The following SLX4IP variants were observed in gnomAD, a reference collection of about 807,000 sequenced individuals.
The protein encoded by SLX4IP is SLX4 interacting protein, also known as protein SLX4IP.
SLX4IP carries 34 observed loss-of-function variants against 32.9 expected under a neutral mutation model. That is an observed-to-expected ratio of 1.03 (90% CI 0.79 to 1.38). The LOEUF (loss-of-function observed/expected upper bound fraction) is 1.38, where lower values mean the gene tolerates loss of function less well. Among genes scored for constraint, SLX4IP ranks in the 40% most tolerant of loss-of-function variants. SLX4IP has a pLI of 0.00. For missense variants in SLX4IP, 444 were observed against 479.0 expected, an observed-to-expected ratio of 0.93 and a Z score of 0.68; for synonymous variants, 172 against 171.7, an observed-to-expected ratio of 1.00 and a Z score of -0.01.
intron 6 of SLX4IP, among the ~76,000 whole-genome samples, chr20:10,605,831 C>T (rs1472830790): frequency 2.6e-5 from 4 of 152,174 alleles, no homozygotes; most frequent in African/African-American, 4.8e-5. Context: ...TATTGAAGCA[C>T]TAACTCAGCT....
At chr20:10,617,019 G>A (rs2067042865) in intron 6 of SLX4IP, among the ~76,000 whole-genome samples, 1 of 152,250 alleles carries the variant, frequency 6.6e-6, no homozygotes, top group Non-Finnish European at 1.5e-5. Context: ...AATTCTGCTG[G>A]GTATCAGAAT....
Position 10,626,965 on chromosome 20 carries a change from T to TTA in SLX4IP, c.*3588_*3589dup, listed in dbSNP as rs2067179321. The TTA allele has an allele frequency of 6.6e-6, 1 of 152,230 alleles. No homozygotes were observed. Among genetic ancestry groups the TTA allele is most frequent in the Non-Finnish European group, 1.5e-5 (1 of 68,040 alleles). The allele number at this position is 152,230 out of a possible 1,614,324, so 9.4% of individuals were successfully genotyped here. ...CATGTTTGGATTTTAGCATGGTTTG[T>TTA]TATGCATGTCAGTGGCCTCTGATTT... On this transcript the variant is annotated 3_prime_UTR_variant, in exon 8 of 8. Coordinates refer to ENST00000334534, the MANE Select transcript of SLX4IP (RefSeq NM_001009608.3).
At chr20:10,456,002 G>A (rs922628687) in intron 1 of SLX4IP, among the ~76,000 whole-genome samples, 1 of 152,108 alleles carries the variant, frequency 6.6e-6, no homozygotes, top group African/African-American at 2.4e-5. Context: ...CTTTCTGAAT[G>A]CCAACATAAT....
chr20:10,586,529 G>GT (rs546856647), intron 4 of SLX4IP, among the ~76,000 whole-genome samples: 78 of 152,128 alleles, frequency 5.1e-4, no homozygotes, highest in Non-Finnish European at 9.4e-4. Flanking sequence ...GCTTATTTAT[G>GT]TAAGGGTTCC....
At chr20:10,507,479 A>G (rs2065769276) in intron 2 of SLX4IP, among the ~76,000 whole-genome samples, 1 of 152,040 alleles carries the variant, frequency 6.6e-6, no homozygotes, top group Non-Finnish European at 1.5e-5. Context: ...AAGAGGAGAC[A>G]CCCTCTTCTG....
At chr20:10,452,680 A>AAATATATATAT (rs1326662021) in intron 1 of SLX4IP, among the ~76,000 whole-genome samples, 2 of 109,502 alleles carry the variant, frequency 1.8e-5, no homozygotes, top group Admixed American at 1.0e-4. Flanking sequence ...AAAAAAAAAA[A>AAATATATATAT]ATATATATAT....
At chr20:10,467,521 T>G (rs991077924) in intron 2 of SLX4IP, among the ~76,000 whole-genome samples, 4 of 152,176 alleles carry the variant, frequency 2.6e-5, no homozygotes, top group African/African-American at 9.7e-5. Context: ...CCTCCTTAAT[T>G]TCATGTATTC....
At position 10,623,542 on chromosome 20, in the gene SLX4IP, A is replaced by G. The variant is rs991321864; in HGVS notation, c.*163A>G. 1.8e-5 allele frequency: 19 copies of G among 1,077,466 alleles called. No homozygotes were observed. Among genetic ancestry groups the G allele is most frequent in the African/African-American group, 1.3e-4 (8 of 62,582 alleles). The allele number at this position is 1,077,466 out of a possible 1,614,324, so 66.7% of individuals were successfully genotyped here. ...TATGGCTATGGTTTGTTTTCAAAGC[A>G]TTTCAAACCGGGAGGCTATATGCTT... is the stretch of plus-strand genomic sequence containing the variant. On this transcript the variant is annotated 3_prime_UTR_variant, in exon 8 of 8. Transcript: ENST00000334534.
At chr20:10,514,240 A>G (rs575310426) in intron 2 of SLX4IP, among the ~76,000 whole-genome samples, 7 of 152,302 alleles carry the variant, frequency 4.6e-5, no homozygotes, top group South Asian at 4.1e-4. Flanking sequence ...TTTAAAATGT[A>G]TCCTTTGAGG....
At chr20:10,459,982 G>C (rs1017034116) in intron 2 of SLX4IP, among the ~76,000 whole-genome samples, 2 of 152,096 alleles carry the variant, frequency 1.3e-5, no homozygotes, top group African/African-American at 4.8e-5. Context: ...TAATATTATA[G>C]CTCTGTCTTA....
chr20:10,531,492 C>G (rs967836299), intron 2 of SLX4IP, among the ~76,000 whole-genome samples: 15 of 152,132 alleles, frequency 9.9e-5, no homozygotes, highest in African/African-American at 3.1e-4. Context: ...TGTACCTGTT[C>G]AATAAATGTT....
At chr20:10,604,291 C>T (rs952364988) in intron 6 of SLX4IP, among the ~76,000 whole-genome samples, 1 of 152,264 alleles carries the variant, frequency 6.6e-6, no homozygotes, top group Non-Finnish European at 1.5e-5. Flanking sequence ...ACTTAACTCA[C>T]TCTTCTGCAG....
chr20:10,505,370 C>A (rs2065750551), intron 2 of SLX4IP, among the ~76,000 whole-genome samples: 1 of 152,216 alleles, frequency 6.6e-6, no homozygotes, highest in Admixed American at 6.5e-5. Context: ...TGCTTAAATT[C>A]TATTTCTAGC....
chr20:10,456,775 C>T (rs946382132), intron 1 of SLX4IP, among the ~76,000 whole-genome samples: 1 of 152,158 alleles, frequency 6.6e-6, no homozygotes, highest in African/African-American at 2.4e-5. Context: ...ATAAAGAAGT[C>T]AGCTGGGATT....
chr20:10,569,986 T>C (rs1311862005), intron 4 of SLX4IP, among the ~76,000 whole-genome samples: 1 of 152,184 alleles, frequency 6.6e-6, no homozygotes, highest in Non-Finnish European at 1.5e-5. Flanking sequence ...GGTGCACAGC[T>C]CACCCCATAA....
chr20:10,577,137 A>T (rs2066531840), intron 4 of SLX4IP, among the ~76,000 whole-genome samples: 1 of 152,218 alleles, frequency 6.6e-6, no homozygotes, highest in African/African-American at 2.4e-5. Context: ...TATATTTGAA[A>T]ATAAAACAGC....
chr20:10,520,946 T>C (rs115650319), intron 2 of SLX4IP, among the ~76,000 whole-genome samples: 2,064 of 152,324 alleles, frequency 0.014, 52 homozygotes, highest in African/African-American at 0.047. Context: ...TTCACCTTCA[T>C]ACTTATAAAT....
At chr20:10,589,718 G>A (rs1422911644) in intron 4 of SLX4IP, among the ~76,000 whole-genome samples, 1 of 152,004 alleles carries the variant, frequency 6.6e-6, no homozygotes. Flanking sequence ...TAAAAATCAC[G>A]TTATAAAACA....
chr20:10,498,631 T>C (rs1387371323), intron 2 of SLX4IP, among the ~76,000 whole-genome samples: 1 of 152,124 alleles, frequency 6.6e-6, no homozygotes. Flanking sequence ...AACTGTATCA[T>C]CTTGATGGGA....
Sources: allele counts gnomAD v4.1 joint callset (sites outside exome capture counted in the v4.1 genomes callset), GRCh38; gene constraint gnomAD v4.1.1; transcripts MANE v1.5; gene names NCBI Gene and HGNC (gene_info 2026-07-23, HGNC 2026-07-21).